GRID2: variants seen among roughly 807,000 people sequenced by gnomAD.
The protein encoded by GRID2 is glutamate receptor ionotropic, delta-2.
Under a neutral mutation model 114.8 loss-of-function variants are expected in GRID2, and 33 were observed. The observed-to-expected ratio is 0.29, with a 90% CI of 0.22 to 0.38. The LOEUF is 0.38. GRID2 is among the 10% of genes least tolerant of loss of function. The probability of loss-of-function intolerance (pLI) is 1.00; values close to 1 mark genes in which losing one functional copy is unlikely to be tolerated. For missense variants in GRID2, 1,184 were observed against 1,257.7 expected (o/e 0.94, Z 0.89); for synonymous variants, 505 against 449.9 (o/e 1.12, Z -1.55).
intron 2 of GRID2, among the ~76,000 whole-genome samples, chr4:92,710,547 CATGTCCTGGTGACG>C (rs543788357): frequency 6.6e-6 from 1 of 152,216 alleles, no homozygotes; most frequent in Non-Finnish European, 1.5e-5. Flanking sequence ...GCTTTTGTGC[CATGTCCTGGTGACG>C]ACTACACTTG....
chr4:92,476,580 T>G (rs2149100468), intron 1 of GRID2, among the ~76,000 whole-genome samples: 1 of 152,226 alleles, frequency 6.6e-6, no homozygotes, highest in South Asian at 2.1e-4. Context: ...ATCCAATCAT[T>G]TTACCTAGTT....
chr4:93,255,889 C>T (rs1281070021), intron 8 of GRID2, among the ~76,000 whole-genome samples: 2 of 152,054 alleles, frequency 1.3e-5, no homozygotes, highest in African/African-American at 2.4e-5. Flanking sequence ...GACTAAGACA[C>T]ACTGTAAGTA....
chr4:92,997,684 T>C (rs1419081936), intron 2 of GRID2, among the ~76,000 whole-genome samples: 1 of 152,144 alleles, frequency 6.6e-6, no homozygotes, highest in Non-Finnish European at 1.5e-5. Flanking sequence ...AAAATAATTT[T>C]ATCGCTCTGA....
intron 9 of GRID2, among the ~76,000 whole-genome samples, chr4:93,400,761 A>G (rs1765802896): frequency 6.6e-6 from 1 of 152,110 alleles, no homozygotes; most frequent in Non-Finnish European, 1.5e-5. Flanking sequence ...AAAAAGACAT[A>G]TACATTCCTA....
At chr4:93,075,952 G>A (rs1343478571) in intron 2 of GRID2, among the ~76,000 whole-genome samples, 2 of 125,612 alleles carry the variant, frequency 1.6e-5, no homozygotes, top group African/African-American at 6.1e-5. Context: ...CACCCAGGCT[G>A]AAGTGCAGTG....
chr4:92,875,960 C>T (rs1745596942), intron 2 of GRID2, among the ~76,000 whole-genome samples: 3 of 152,138 alleles, frequency 2.0e-5, no homozygotes. Flanking sequence ...GATATTTGAA[C>T]TAGCAGAGAG....
Position 93,478,212 on chromosome 4 carries a change from C to T in GRID2, c.1859-12427C>T, listed in dbSNP as rs1048839665. Among the ~76,000 whole-genome samples the T allele has an allele frequency of 2.6e-5, 4 of 151,968 alleles. No individual in the cohort carries two copies. The East Asian group carries it at 7.7e-4, about 29-fold the overall frequency. The stretch of plus-strand genomic sequence containing the variant: ...TAATATGTTTTTGTGTAATAAAATT[C>T]AATTTAGTTCTAATATGAGTTATAG... On this transcript the variant is annotated intron_variant, in intron 11 of 15. Coordinates refer to ENST00000282020, the MANE Select transcript of GRID2 (RefSeq NM_001510.4).
intron 2 of GRID2, among the ~76,000 whole-genome samples, chr4:93,011,120 G>A (rs1560792875): frequency 1.4e-5 from 2 of 142,102 alleles, no homozygotes; most frequent in African/African-American, 5.2e-5. Context: ...TTTAAGACAG[G>A]TTTTTTTTTT....
intron 4 of GRID2, among the ~76,000 whole-genome samples, chr4:93,191,922 C>T (rs185454742): frequency 6.6e-6 from 1 of 152,232 alleles, no homozygotes; most frequent in East Asian, 1.9e-4. Context: ...GCTCATTATA[C>T]CCATAATATC....
At chr4:93,260,405 A>AG (rs5860315) in intron 8 of GRID2, among the ~76,000 whole-genome samples, 107,466 of 150,654 alleles carry the variant, frequency 0.71, 39,212 homozygotes, top group Middle Eastern at 0.86. Flanking sequence ...ATATAAAAAA[A>AG]AATATTAAAA....
intron 1 of GRID2, among the ~76,000 whole-genome samples, chr4:92,465,813 G>A (rs551186949): frequency 4.6e-5 from 7 of 151,852 alleles, no homozygotes; most frequent in Admixed American, 1.3e-4. Flanking sequence ...TTCCACCAAT[G>A]TGAAAAGCAT....
chr4:93,213,017 C>A (rs531632127), intron 5 of GRID2, among the ~76,000 whole-genome samples: 3 of 152,224 alleles, frequency 2.0e-5, no homozygotes, highest in Admixed American at 2.0e-4. Context: ...AGGTGATCTG[C>A]CCAACTCAGC....
intron 2 of GRID2, among the ~76,000 whole-genome samples, chr4:92,621,095 G>A (rs576711919): frequency 4.0e-5 from 6 of 151,608 alleles, no homozygotes; most frequent in African/African-American, 1.2e-4. Flanking sequence ...AAGATGCACA[G>A]GCTTGTTACA....
At chr4:92,844,742 A>G (rs1331331090) in intron 2 of GRID2, among the ~76,000 whole-genome samples, 2 of 151,880 alleles carry the variant, frequency 1.3e-5, no homozygotes, top group African/African-American at 4.8e-5. Flanking sequence ...AAAAGATTGA[A>G]TTTGATGAAG....
At chr4:92,363,316 G>A (rs1728701953) in intron 1 of GRID2, among the ~76,000 whole-genome samples, 1 of 152,034 alleles carries the variant, frequency 6.6e-6, no homozygotes, top group Non-Finnish European at 1.5e-5. Context: ...ATTTTTTACA[G>A]GCTCTCAAAC....
intron 2 of GRID2, among the ~76,000 whole-genome samples, chr4:92,987,102 A>C (rs955067793): frequency 2.6e-5 from 4 of 152,230 alleles, no homozygotes; most frequent in Non-Finnish European, 5.9e-5. Flanking sequence ...ACTGATTTAC[A>C]TTAATTTTCA....
intron 2 of GRID2, among the ~76,000 whole-genome samples, chr4:92,794,159 C>T (rs1739733602): frequency 6.6e-6 from 1 of 151,696 alleles, no homozygotes; most frequent in Admixed American, 6.6e-5. Flanking sequence ...TACTATCAGC[C>T]AGGCTACAAT....
At chr4:92,805,366 T>C (rs1342235489) in intron 2 of GRID2, among the ~76,000 whole-genome samples, 1 of 151,982 alleles carries the variant, frequency 6.6e-6, no homozygotes, top group African/African-American at 2.4e-5. Context: ...TTGGTGTTAA[T>C]AGAAATTACT....
chr4:92,894,533 A>G (rs571406363), intron 2 of GRID2, among the ~76,000 whole-genome samples: 1 of 152,286 alleles, frequency 6.6e-6, no homozygotes, highest in East Asian at 1.9e-4. Flanking sequence ...AATATTTCAA[A>G]TGGAGAATAT....
Sources: gnomAD v4.1 joint callset for allele counts (sites outside exome capture counted in the v4.1 genomes callset) on GRCh38, gnomAD v4.1.1 for gene constraint, MANE v1.5 for transcripts, NCBI Gene and HGNC (gene_info 2026-07-23, HGNC 2026-07-21) for gene names.